ANKRD34C: variants seen among roughly 807,000 people sequenced by gnomAD.
ANKRD34C encodes ankyrin repeat domain-containing protein 34C.
For synonymous variants in ANKRD34C, 260 were observed against 253.6 expected (o/e 1.03, Z -0.24); for missense variants, 563 against 653.0 (o/e 0.86, Z 1.50).
intron 1 of ANKRD34C, among the ~76,000 whole-genome samples, chr15:79,288,896 C>A (rs1173135267): frequency 1.5e-5 from 2 of 129,624 alleles, no homozygotes; most frequent in East Asian, 5.2e-4. Flanking sequence ...TCTCGGCTAA[C>A]TGCAACCTCT....
chr15:79,290,317 G>A (rs12909195), intron 1 of ANKRD34C, among the ~76,000 whole-genome samples: 57,734 of 151,128 alleles, frequency 0.38, 11,414 homozygotes, highest in East Asian at 0.51. Context: ...GAGCCATCAT[G>A]CCCAGCCTAT....
At position 79,285,356 on chromosome 15, in the gene ANKRD34C, C is replaced by T. The variant is rs79091112; in HGVS notation, c.-45+2128C>T. Among the ~76,000 whole-genome samples, 519 of 152,236 alleles carry T rather than the reference C, an allele frequency of 3.4e-3. 4 individuals carry two copies. The highest frequency in any genetic ancestry group is 0.026 in the East Asian group (137 of 5,180). On this transcript the variant is annotated intron_variant, in intron 1 of 1. Transcript: ENST00000421388. The stretch of plus-strand genomic sequence containing the variant: ...ACTGTGCCAAACAAGGGATGTTTAA[C>T]TGGAAATCCAATGTCAGTGTGACTT...
chr15:79,283,992 T>C (rs966478455), intron 1 of ANKRD34C: 2 of 152,228 alleles, frequency 1.3e-5, no homozygotes, highest in East Asian at 1.9e-4. Context: ...TGTAAAGATA[T>C]CTCCCAAGCT....
At chr15:79,293,188 C>A in intron 1 of ANKRD34C, 53 bp from the exon 2 acceptor site, 1 of 1,297,040 alleles carries the variant, frequency 7.7e-7, no homozygotes, top group Non-Finnish European at 1.0e-6. Context: ...AACCATGCTG[C>A]ACAGATCTGT....
In ANKRD34C at chr15:79,293,835, T is replaced by C; in HGVS notation, c.551T>C (p.Leu184Pro). 1 of 1,551,742 alleles carries C rather than the reference T, an allele frequency of 6.4e-7. No individual in the cohort carries two copies. The highest frequency in any genetic ancestry group is 8.7e-7 in the Non-Finnish European group (1 of 1,146,988). Reference sequence around the variant, plus strand: ...GTAGAAGACAGGCATTCACCTCCACTGTGTGCGTCTCCCTCTGACATAGAG... The same window carrying C: ...GTAGAAGACAGGCATTCACCTCCACCGTGTGCGTCTCCCTCTGACATAGAG... ...PKVEDRHSPPLCASPSDIELK... is the reference protein window; with the variant it reads ...PKVEDRHSPPPCASPSDIELK... Residue 184 changes from leucine to proline, a missense_variant, in exon 2 of 2, where the codon CTG becomes CCG. By Grantham distance (98) the Leu-to-Pro change is moderately conservative. Transcript: ENST00000421388.
Position 79,294,512 on chromosome 15 carries a change from A to G in ANKRD34C, c.1228A>G (p.Ser410Gly), listed in dbSNP as rs1225115957. 6.4e-7 allele frequency: 1 copy of G among 1,551,688 alleles called. No homozygotes were observed. Among genetic ancestry groups the G allele is most frequent in the Non-Finnish European group, 8.7e-7 (1 of 1,146,990 alleles). Reference sequence around the variant, plus strand: ...ACCTTTAGATAGAAAGAAGCTCAACAGCTCTCACTTGTCTCTTTTCCATGG... The same window carrying G: ...ACCTTTAGATAGAAAGAAGCTCAACGGCTCTCACTTGTCTCTTTTCCATGG... ...KGPLDRKKLN[S>G]SHLSLFHGSR... Residue 410 changes from serine to glycine, a missense_variant, in exon 2 of 2, where the codon AGC becomes GGC. Coordinates refer to ENST00000421388, the MANE Select transcript of ANKRD34C (RefSeq NM_001146341.2).
rs1240232514 is a variant in ANKRD34C at position 79,297,322 on chromosome 15, C to T, written c.*2430C>T. 6.0e-6 allele frequency: 1 copy of T among 167,054 alleles called. No homozygotes were observed. The highest frequency in any genetic ancestry group is 1.5e-5 in the Non-Finnish European group (1 of 68,126). The allele number at this position is 167,054 out of a possible 1,614,324, so 10.3% of individuals were successfully genotyped here. ...AGTTTTCCAGCTGTTGTTAGTGTCA[C>T]TTAAAACTGATCTCTGCTGGTAGTA... On this transcript the variant is annotated 3_prime_UTR_variant, in exon 2 of 2. Transcript: ENST00000421388.
chr15:79,285,129 A>G (rs918990540), intron 1 of ANKRD34C, among the ~76,000 whole-genome samples: 5 of 152,260 alleles, frequency 3.3e-5, no homozygotes, highest in Non-Finnish European at 7.3e-5. Context: ...GAGGTGAAAC[A>G]AGATTAAGGC....
chr15:79,295,190 TCAGA>T lies in ANKRD34C; in HGVS notation c.*301_*304del. On this transcript the variant is annotated 3_prime_UTR_variant, in exon 2 of 2. Coordinates refer to ENST00000421388, the MANE Select transcript of ANKRD34C (RefSeq NM_001146341.2). ...AGCTGGGGACATCAGTAGTTTTCTA[TCAGA>T]CAAACAGAAAAGAATTTAAATCAGG... 1 of 307,522 alleles carries T rather than the reference TCAGA, an allele frequency of 3.3e-6. No individual in the cohort carries two copies. Among genetic ancestry groups the T allele is most frequent in the Non-Finnish European group, 6.3e-6 (1 of 158,972 alleles). 19.0% of individuals were successfully genotyped at this position (307,522 alleles called of 1,614,324 possible). A position where few individuals can be genotyped will look rare whatever the true frequency, so the allele number is the denominator to read the frequency against.
rs1435176390 is a variant in ANKRD34C, at chr15:79,296,954, G to T, written c.*2062G>T. 1 of 167,112 alleles carries T rather than the reference G, an allele frequency of 6.0e-6. No homozygotes were observed. The highest frequency in any genetic ancestry group is 2.4e-5 in the African/African-American group (1 of 41,458). The allele number at this position is 167,112 out of a possible 1,614,324, so 10.4% of individuals were successfully genotyped here. On this transcript the variant is annotated 3_prime_UTR_variant, in exon 2 of 2. Coordinates refer to ENST00000421388, the MANE Select transcript of ANKRD34C (RefSeq NM_001146341.2). ...TTAAGACAATTCAAATTGTGCTTTA[G>T]TAAGAGGACTAATCAATACTAGTGT...
chr15:79,288,036 T>A (rs1420622514), intron 1 of ANKRD34C, among the ~76,000 whole-genome samples: 1 of 152,184 alleles, frequency 6.6e-6, no homozygotes, highest in Non-Finnish European at 1.5e-5. Context: ...AAAGAAAGAC[T>A]CACTGTAGCT....
rs548827012 is a variant in ANKRD34C at position 79,291,028 on chromosome 15, TC to T, written c.-44-2211del. Reference sequence around the variant, plus strand: ...TATGTGCTTATTGGTCATTTGTGTATCCTCTTTTGGAGGAAGTGATTTGTAG... The same window carrying T: ...TATGTGCTTATTGGTCATTTGTGTATCTCTTTTGGAGGAAGTGATTTGTAG... On this transcript the variant is annotated intron_variant, in intron 1 of 1. Coordinates refer to ENST00000421388, the MANE Select transcript of ANKRD34C (RefSeq NM_001146341.2). 3.9e-5 allele frequency among the ~76,000 whole-genome samples: 6 copies of T among 152,358 alleles called. No homozygotes were observed. In the South Asian group the frequency reaches 1.0e-3, roughly 26 times the overall value.
At chr15:79,287,177 T>C (rs149296822) in intron 1 of ANKRD34C, among the ~76,000 whole-genome samples, 42 of 152,336 alleles carry the variant, frequency 2.8e-4, no homozygotes, top group African/African-American at 9.4e-4. Context: ...ATGTAGAGGC[T>C]AAGAATGTGG....
At chr15:79,292,192 C>T (rs2058661617) in intron 1 of ANKRD34C, among the ~76,000 whole-genome samples, 1 of 152,172 alleles carries the variant, frequency 6.6e-6, no homozygotes, top group Admixed American at 6.5e-5. Flanking sequence ...GCACAAAAAG[C>T]CTGTGTGAAG....
rs1015173336 is a variant in ANKRD34C, at chr15:79,297,326, A to G, written c.*2434A>G. On this transcript the variant is annotated 3_prime_UTR_variant, in exon 2 of 2. Transcript: ENST00000421388. ...TTCCAGCTGTTGTTAGTGTCACTTA[A>G]AACTGATCTCTGCTGGTAGTATTCA... The G allele has an allele frequency of 2.4e-5, 4 of 167,088 alleles. No homozygotes were observed. Among genetic ancestry groups the G allele is most frequent in the Non-Finnish European group, 5.9e-5 (4 of 68,120 alleles). The allele number at this position is 167,088 out of a possible 1,614,324, so 10.4% of individuals were successfully genotyped here.
At chr15:79,286,163 C>G (rs1425334163) in intron 1 of ANKRD34C, among the ~76,000 whole-genome samples, 2 of 147,432 alleles carry the variant, frequency 1.4e-5, no homozygotes, top group Non-Finnish European at 3.0e-5. Flanking sequence ...ATAGTGGCCA[C>G]CATTATAGTG....
At position 79,293,688 on chromosome 15, in the gene ANKRD34C, T is replaced by C. The variant is rs1372718789; in HGVS notation, c.404T>C (p.Leu135Ser). The C allele has an allele frequency of 6.4e-7, 1 of 1,551,652 alleles. No homozygotes were observed. The change falls in exon 2 of 2, where the codon TTG becomes TCG. Residue 135 changes from leucine to serine, a missense_variant. Leu to Ser is a moderately radical substitution (Grantham distance 145). Transcript: ENST00000421388. ...ATAAATGCAGATGACAAGGATGCATTGAAGCATCTCCTTGATGCCTGCAAA... is the reference window on the plus strand; with the variant it reads ...ATAAATGCAGATGACAAGGATGCATCGAAGCATCTCCTTGATGCCTGCAAA... ...YAINADDKDA[L>S]KHLLDACKAK...
rs2141200876 is a variant in ANKRD34C at position 79,288,090 on chromosome 15, C to A, written c.-45+4862C>A. Among the ~76,000 whole-genome samples the A allele has an allele frequency of 1.3e-5, 2 of 152,328 alleles. 1 individual carries two copies. The highest frequency in any genetic ancestry group is 4.1e-4 in the South Asian group (2 of 4,832). On this transcript the variant is annotated intron_variant, in intron 1 of 1. Coordinates refer to ENST00000421388, the MANE Select transcript of ANKRD34C (RefSeq NM_001146341.2). ...TCATTGATCCCTAAATGACCATGGG[C>A]AAGCCACTTCTTCACTTTTGGCTTC...
intron 1 of ANKRD34C, 68 bp from the exon 2 acceptor site, chr15:79,293,173 G>C (rs914270366): frequency 8.3e-6 from 10 of 1,211,586 alleles, no homozygotes; most frequent in Non-Finnish European, 1.1e-5. Flanking sequence ...CCCAGACCCC[G>C]TAATAACCAT....
Sources: allele counts gnomAD v4.1 joint callset (sites outside exome capture counted in the v4.1 genomes callset), GRCh38; gene constraint gnomAD v4.1.1; transcripts MANE v1.5; gene names NCBI Gene and HGNC (gene_info 2026-07-23, HGNC 2026-07-21).